The following SDK1 variants were observed in gnomAD, a reference collection of about 807,000 sequenced individuals.
SDK1 encodes sidekick cell adhesion molecule 1.
SDK1 carries 157 observed loss-of-function variants against 245.5 expected under a neutral mutation model. The observed-to-expected ratio is 0.64, with a 90% CI of 0.56 to 0.73. The LOEUF (loss-of-function observed/expected upper bound fraction) is 0.73. Among genes scored for constraint, SDK1 ranks in the 30% least tolerant of loss-of-function variants. The pLI is 0.00. For missense variants in SDK1, 3,583 were observed against 3,002.3 expected (o/e 1.19, Z -4.52); for synonymous variants, 1,647 against 1,278.5 (o/e 1.29, Z -6.15).
intron 1 of SDK1, among the ~76,000 whole-genome samples, chr7:3,590,202 T>G (rs1780821013): frequency 6.6e-6 from 1 of 152,174 alleles, no homozygotes; most frequent in Non-Finnish European, 1.5e-5. Flanking sequence ...TTTATGTTTC[T>G]TCAGTTTTCT....
intron 1 of SDK1, among the ~76,000 whole-genome samples, chr7:3,412,715 G>A (rs1779247759): frequency 6.6e-6 from 1 of 152,150 alleles, no homozygotes; most frequent in South Asian, 2.1e-4. Flanking sequence ...GGTTGCGAGT[G>A]TATGAAAGAC....
chr7:3,747,113 G>A (rs1385813101), intron 4 of SDK1, among the ~76,000 whole-genome samples: 1 of 152,172 alleles, frequency 6.6e-6, no homozygotes, highest in Non-Finnish European at 1.5e-5. Flanking sequence ...GTAACCAGGT[G>A]CATGATGTAA....
At chr7:4,260,466 G>C (rs1438757205) in intron 44 of SDK1, among the ~76,000 whole-genome samples, 3 of 139,608 alleles carry the variant, frequency 2.1e-5, no homozygotes, top group South Asian at 2.5e-4. Flanking sequence ...CGGGGTCTCT[G>C]TGTGTGTGGG....
intron 4 of SDK1, among the ~76,000 whole-genome samples, chr7:3,712,977 A>G (rs896524810): frequency 2.0e-5 from 3 of 152,230 alleles, no homozygotes; most frequent in Admixed American, 2.0e-4. Context: ...CCTGACACCC[A>G]GGAATGCTGA....
intron 4 of SDK1, among the ~76,000 whole-genome samples, chr7:3,741,563 C>T (rs561729455): frequency 1.5e-4 from 23 of 152,220 alleles, no homozygotes; most frequent in African/African-American, 5.3e-4. Context: ...GTAGTTTGCC[C>T]TAATTAACTT....
chr7:4,242,314 C>G (rs1414580691), intron 43 of SDK1, among the ~76,000 whole-genome samples: 1 of 152,166 alleles, frequency 6.6e-6, no homozygotes, highest in Admixed American at 6.5e-5. Flanking sequence ...GTGCTTGTTG[C>G]TGATTTCATT....
At chr7:3,865,428 A>G (rs1780797843) in intron 5 of SDK1, among the ~76,000 whole-genome samples, 1 of 152,228 alleles carries the variant, frequency 6.6e-6, no homozygotes, top group African/African-American at 2.4e-5. Flanking sequence ...CCATTTACAA[A>G]TATGTATGCT....
At chr7:4,083,913 G>A (rs967531442) in intron 22 of SDK1, among the ~76,000 whole-genome samples, 4 of 151,330 alleles carry the variant, frequency 2.6e-5, no homozygotes, top group East Asian at 3.9e-4. Flanking sequence ...AGGTCTAGTC[G>A]CCCCACTCAG....
chr7:3,821,400 G>C, intron 4 of SDK1, 50 bp from the exon 5 acceptor site: 3 of 1,570,120 alleles, frequency 1.9e-6, no homozygotes, highest in African/African-American at 1.4e-5. Context: ...CTTACAAGTA[G>C]GAAGTTCCCT....
chr7:3,310,836 T>A (rs1337032413), intron 1 of SDK1, among the ~76,000 whole-genome samples: 1 of 152,224 alleles, frequency 6.6e-6, no homozygotes, highest in Non-Finnish European at 1.5e-5. Flanking sequence ...ATCCTTGGGT[T>A]GGCTACTTAA....
chr7:3,908,659 A>G (rs960342988), intron 5 of SDK1, among the ~76,000 whole-genome samples: 3 of 152,016 alleles, frequency 2.0e-5, no homozygotes, highest in Non-Finnish European at 2.9e-5. Context: ...TATCCTGATA[A>G]TTGTCTTTTC....
At chr7:4,045,577 T>A (rs566330742) in intron 17 of SDK1, among the ~76,000 whole-genome samples, 1 of 152,266 alleles carries the variant, frequency 6.6e-6, no homozygotes, top group African/African-American at 2.4e-5. Flanking sequence ...CTTTTACATG[T>A]CTTGTGCACA....
At chr7:3,706,544 G>A (rs1380472553) in intron 4 of SDK1, among the ~76,000 whole-genome samples, 2 of 152,104 alleles carry the variant, frequency 1.3e-5, no homozygotes, top group Non-Finnish European at 2.9e-5. Flanking sequence ...TGGGACTACA[G>A]GTGCCCGCCA....
chr7:4,149,075 CA>C (rs1780176415), intron 29 of SDK1, among the ~76,000 whole-genome samples, 186 bp from the exon 30 acceptor site: 1 of 151,728 alleles, frequency 6.6e-6, no homozygotes, highest in Non-Finnish European at 1.5e-5. Flanking sequence ...CAAAACAAAA[CA>C]AAACAAAAAA....
At chr7:3,612,109 T>C (rs1158155240) in intron 1 of SDK1, among the ~76,000 whole-genome samples, 2 of 151,776 alleles carry the variant, frequency 1.3e-5, no homozygotes, top group Non-Finnish European at 2.9e-5. Flanking sequence ...GGGACGGGGG[T>C]GAGGGATACG....
chr7:3,443,087 A>G (rs1336515616), intron 1 of SDK1, among the ~76,000 whole-genome samples: 1 of 151,528 alleles, frequency 6.6e-6, no homozygotes, highest in East Asian at 1.9e-4. Context: ...TTCCCTCCCA[A>G]GTAAAGAGAA....
chr7:4,186,442 C>A (rs1782899889), intron 35 of SDK1, among the ~76,000 whole-genome samples: 1 of 152,206 alleles, frequency 6.6e-6, no homozygotes, highest in Non-Finnish European at 1.5e-5. Flanking sequence ...AGGACAGAGC[C>A]TCCAAATAAA....
intron 17 of SDK1, among the ~76,000 whole-genome samples, chr7:4,045,457 A>T (rs934223947): frequency 2.0e-5 from 3 of 151,312 alleles, no homozygotes; most frequent in Non-Finnish European, 4.4e-5. Flanking sequence ...TGTTACCCAG[A>T]CTGGTTTCAA....
intron 4 of SDK1, among the ~76,000 whole-genome samples, chr7:3,669,798 C>T (rs879359813): frequency 2.0e-5 from 3 of 152,196 alleles, no homozygotes; most frequent in Admixed American, 6.5e-5. Context: ...ACAGCCTATT[C>T]ATTGTATTTT....
Sources: gnomAD v4.1 joint callset for allele counts (sites outside exome capture counted in the v4.1 genomes callset) on GRCh38, gnomAD v4.1.1 for gene constraint, MANE v1.5 for transcripts, NCBI Gene and HGNC (gene_info 2026-07-23, HGNC 2026-07-21) for gene names.